The following ASPH variants were observed in gnomAD, a reference collection of about 807,000 sequenced individuals.
The protein encoded by ASPH is aspartyl/asparaginyl beta-hydroxylase.
A neutral mutation model predicts 118.4 loss-of-function variants in ASPH; 100 were observed. The ratio of observed to expected loss-of-function variants is 0.84; its 90% confidence interval spans 0.72 to 1.00. ASPH has a LOEUF of 1.00. Ranked by LOEUF, ASPH falls within the 50% of genes least tolerant of loss-of-function variation. The pLI is 0.00. For synonymous variants in ASPH, 315 were observed against 325.6 expected, an observed-to-expected ratio of 0.97 and a Z score of 0.35; for missense variants, 920 against 919.5, an observed-to-expected ratio of 1.00 and a Z score of -0.01.
Position 61,501,963 on chromosome 8 carries a change from T to C in ASPH, c.*1396A>G, listed in dbSNP as rs1042809888. ...GCCATTCATGCAGCATTTTTGTTCA[T>C]ATTGGCTTAGAATTCAGTGCATGAA... On this transcript the variant is annotated 3_prime_UTR_variant, in exon 25 of 25. Coordinates refer to ENST00000379454, the MANE Select transcript of ASPH (RefSeq NM_004318.4). 1 of 152,206 alleles carries C rather than the reference T, an allele frequency of 6.6e-6. No homozygotes were observed. The highest frequency in any genetic ancestry group is 6.5e-5 in the Admixed American group (1 of 15,276). The allele number at this position is 152,206 out of a possible 1,614,324, so 9.4% of individuals were successfully genotyped here.
intron 24 of ASPH, among the ~76,000 whole-genome samples, chr8:61,508,060 G>A (rs1023759657): frequency 3.9e-5 from 6 of 152,038 alleles, no homozygotes; most frequent in Admixed American, 3.9e-4. Flanking sequence ...TGTCACCCAG[G>A]CTGGAGTGTG....
intron 1 of ASPH, among the ~76,000 whole-genome samples, chr8:61,710,552 T>A (rs1191617154): frequency 1.3e-5 from 2 of 152,194 alleles, no homozygotes; most frequent in Non-Finnish European, 2.9e-5. Context: ...CTCTGGAAAA[T>A]GTGTTCATAA....
chr8:61,562,600 C>A (rs990019277), intron 18 of ASPH, 144 bp downstream of exon 18: 1 of 807,960 alleles, frequency 1.2e-6, no homozygotes, highest in Admixed American at 3.8e-5. Context: ...AATGTTAAAA[C>A]ATAGTTTAGA....
At chr8:61,650,385 C>A (rs1810355327) in intron 5 of ASPH, among the ~76,000 whole-genome samples, 1 of 152,158 alleles carries the variant, frequency 6.6e-6, no homozygotes, top group South Asian at 2.1e-4. Flanking sequence ...ACCAAAGCAT[C>A]AGGAGAATCA....
At chr8:61,626,181 G>T in intron 13 of ASPH, 1 of 1,385,234 alleles carries the variant, frequency 7.2e-7, no homozygotes, top group Non-Finnish European at 9.4e-7. Context: ...GATCTGCTCA[G>T]TAATTGCTTC....
intron 1 of ASPH, among the ~76,000 whole-genome samples, chr8:61,708,018 C>T (rs1019011420): frequency 2.0e-5 from 3 of 151,952 alleles, no homozygotes; most frequent in African/African-American, 7.3e-5. Context: ...GCATATATAC[C>T]TGTATTTATG....
chr8:61,577,978 C>T (rs57337427), intron 15 of ASPH, among the ~76,000 whole-genome samples: 2 of 152,212 alleles, frequency 1.3e-5, no homozygotes, highest in African/African-American at 4.8e-5. Flanking sequence ...AAAAGTTTAA[C>T]TCATTCCAGC....
chr8:61,526,542 A>G (rs950137859), intron 21 of ASPH, among the ~76,000 whole-genome samples: 1 of 152,240 alleles, frequency 6.6e-6, no homozygotes, highest in Admixed American at 6.5e-5. Flanking sequence ...TTCCTCACAA[A>G]GATGCCATTA....
intron 13 of ASPH, among the ~76,000 whole-genome samples, chr8:61,630,260 C>G (rs1854968068): frequency 6.6e-6 from 1 of 152,146 alleles, no homozygotes; most frequent in East Asian, 1.9e-4. Context: ...ATATTCAGCA[C>G]TTTGCAGAAG....
intron 1 of ASPH, among the ~76,000 whole-genome samples, chr8:61,705,570 A>C (rs1563663916): frequency 6.6e-6 from 1 of 152,242 alleles, no homozygotes; most frequent in Non-Finnish European, 1.5e-5. Context: ...AGAAAACACT[A>C]ATCTATGATC....
chr8:61,651,945 GAT>G (rs1424371235), intron 4 of ASPH, among the ~76,000 whole-genome samples: 1 of 152,142 alleles, frequency 6.6e-6, no homozygotes, highest in Non-Finnish European at 1.5e-5. Flanking sequence ...TGTCATGTGA[GAT>G]AATGCCAGTG....
chr8:61,547,853 A>G (rs1824490437), intron 21 of ASPH, among the ~76,000 whole-genome samples: 3 of 152,290 alleles, frequency 2.0e-5, no homozygotes, highest in South Asian at 4.1e-4. Flanking sequence ...TAAGGCCAAA[A>G]AGGTTGAGAA....
At chr8:61,615,939 A>G (rs1325164675) in intron 14 of ASPH, among the ~76,000 whole-genome samples, 1 of 152,214 alleles carries the variant, frequency 6.6e-6, no homozygotes, top group Non-Finnish European at 1.5e-5. Context: ...GTATCATATG[A>G]ATCGATTTGA....
intron 21 of ASPH, among the ~76,000 whole-genome samples, chr8:61,547,859 G>A (rs1824492817): frequency 3.3e-5 from 5 of 152,124 alleles, no homozygotes; most frequent in African/African-American, 9.7e-5. Flanking sequence ...CAAAAAGGTT[G>A]AGAACTCCTA....
In ASPH at chr8:61,548,072, T is replaced by C. The variant is rs758904697; in HGVS notation, c.1763A>G (p.Lys588Arg). The change falls in exon 21 of 25, where the codon AAG (lysine) becomes AGG (arginine). Residue 588 changes from lysine (K) to arginine (R), a missense_variant and splice_region_variant. Physicochemically the swap from Lys to Arg is conservative, Grantham distance 26. Coordinates refer to ENST00000379454, the MANE Select transcript of ASPH (RefSeq NM_004318.4). ...PKETGYTELV[K>R]SLERNWKLIR... ...GGATGATGTCTAAGTTATACTTACCTTTACTAACTCTGTGTAGCCCGTTTC... is the reference window on the plus strand; with the variant it reads ...GGATGATGTCTAAGTTATACTTACCCTTACTAACTCTGTGTAGCCCGTTTC... 1 of 1,612,756 alleles carries C rather than the reference T, an allele frequency of 6.2e-7. No homozygotes were observed. Among genetic ancestry groups the C allele is most frequent in the South Asian group, 1.1e-5 (1 of 90,896 alleles).
At chr8:61,644,719 A>C (rs1344098889) in intron 6 of ASPH, 87 bp from the exon 7 acceptor site, 3 of 1,005,392 alleles carry the variant, frequency 3.0e-6, no homozygotes, top group Non-Finnish European at 4.2e-6. Flanking sequence ...ATCTATGCTT[A>C]TCATTAATTT....
chr8:61,652,625 A>T (rs1018791351), intron 4 of ASPH, among the ~76,000 whole-genome samples: 3 of 152,222 alleles, frequency 2.0e-5, no homozygotes, highest in Non-Finnish European at 4.4e-5. Flanking sequence ...GATGGCAGAA[A>T]AAAGAAATGT....
At chr8:61,586,656 C>A (rs188743393) in intron 14 of ASPH, among the ~76,000 whole-genome samples, 1 of 152,188 alleles carries the variant, frequency 6.6e-6, no homozygotes, top group Middle Eastern at 3.2e-3. Flanking sequence ...GAGAAGACCA[C>A]TGAGGTTCCA....
chr8:61,664,135 T>C (rs1818315289), intron 3 of ASPH: 1 of 966,954 alleles, frequency 1.0e-6, no homozygotes, highest in Non-Finnish European at 1.2e-6. Context: ...ATATTTAATA[T>C]TTGAGGCACA....
Sources: gnomAD v4.1 joint callset for allele counts (sites outside exome capture counted in the v4.1 genomes callset) on GRCh38, gnomAD v4.1.1 for gene constraint, MANE v1.5 for transcripts, NCBI Gene and HGNC (gene_info 2026-07-23, HGNC 2026-07-21) for gene names.